IGSF10: variants seen among roughly 807,000 people sequenced by gnomAD.
The protein encoded by IGSF10 is calvaria mechanical force protein 608.
A neutral mutation model predicts 128.2 loss-of-function variants in IGSF10; 126 were observed. The observed-to-expected ratio is 0.98, with a 90% confidence interval of 0.85 to 1.14. IGSF10 has a LOEUF of 1.14. IGSF10 is among the 50% of genes most tolerant of loss of function. The probability of loss-of-function intolerance (pLI) is 0.00; values close to 1 mark genes in which losing one functional copy is unlikely to be tolerated. For synonymous variants in IGSF10, 1,185 were observed against 1,146.2 expected (o/e 1.03, Z -0.68); for missense variants, 3,295 against 3,149.8 (o/e 1.05, Z -1.10).
the IGSF10 span, among the ~76,000 whole-genome samples, chr3:151,584,069 A>G: frequency 1.3e-5 from 2 of 152,152 alleles, no homozygotes; most frequent in East Asian, 3.9e-4. Flanking sequence ...TTAGTTGTGG[A>G]TTTGTGTATT....
At chr3:151,582,292 C>CGGGG in the IGSF10 span, among the ~76,000 whole-genome samples, 56 of 39,362 alleles carry the variant, frequency 1.4e-3, no homozygotes, top group East Asian at 7.3e-3. Flanking sequence ...TAAAAATATC[C>CGGGG]GGGGGGGGGG....
the IGSF10 span, among the ~76,000 whole-genome samples, chr3:151,598,699 C>A: frequency 6.6e-6 from 1 of 152,172 alleles, no homozygotes; most frequent in African/African-American, 2.4e-5. Flanking sequence ...AGTATAGACA[C>A]AACCATCTAT....
At chr3:151,561,985 A>T in the IGSF10 span, among the ~76,000 whole-genome samples, 1 of 152,106 alleles carries the variant, frequency 6.6e-6, no homozygotes, top group Non-Finnish European at 1.5e-5. Context: ...CTTTTATCAG[A>T]GGCGTTTGAA....
At chr3:151,529,147 C>T in the IGSF10 span, among the ~76,000 whole-genome samples, 1 of 152,162 alleles carries the variant, frequency 6.6e-6, no homozygotes, top group Non-Finnish European at 1.5e-5. Flanking sequence ...CAGACTGCCT[C>T]TCTAGATTCC....
the IGSF10 span, among the ~76,000 whole-genome samples, chr3:151,523,040 A>C: frequency 6.6e-6 from 1 of 152,152 alleles, no homozygotes; most frequent in African/African-American, 2.4e-5. Context: ...AATTGAGAGC[A>C]AATCAGAAAG....
At chr3:151,472,576 G>A in the IGSF10 span, among the ~76,000 whole-genome samples, 1 of 152,054 alleles carries the variant, frequency 6.6e-6, no homozygotes, top group Non-Finnish European at 1.5e-5. Context: ...GGTTGCCTTG[G>A]CCAAAGGTAC....
At chr3:151,504,048 G>A in the IGSF10 span, among the ~76,000 whole-genome samples, 1 of 152,096 alleles carries the variant, frequency 6.6e-6, no homozygotes, top group Non-Finnish European at 1.5e-5. Context: ...GCCTCTGGCT[G>A]CATGACACCA....
At chr3:151,460,821 ACCCTCAGCCCT>A (rs1560184399) in intron 1 of IGSF10, 114 bp downstream of exon 1, 1 of 298,692 alleles carries the variant, frequency 3.3e-6, no homozygotes, top group East Asian at 2.1e-4. Context: ...TCCCTCCCCC[ACCCTCAGCCCT>A]CCCCGCCCCA....
downstream of IGSF10, chr3:151,435,062 C>CTTTTTTTTT (rs66791814): frequency 2.9e-3 from 343 of 118,826 alleles, no homozygotes; most frequent in Middle Eastern, 5.0e-3. Flanking sequence ...TGAGAGGTTT[C>CTTTTTTTTT]TTTTTTTTTT....
At chr3:151,552,386 A>AG in the IGSF10 span, among the ~76,000 whole-genome samples, 1 of 152,234 alleles carries the variant, frequency 6.6e-6, no homozygotes, top group Non-Finnish European at 1.5e-5. Context: ...TGTTGGGGCA[A>AG]GGAAGGCAAC....
intron 4 of IGSF10, among the ~76,000 whole-genome samples, chr3:151,454,111 G>A (rs1005768943): frequency 2.6e-5 from 4 of 150,956 alleles, no homozygotes; most frequent in Admixed American, 6.6e-5. Flanking sequence ...TCCGCCTCCT[G>A]GTTTGAAGCG....
chr3:151,581,633 G>A, the IGSF10 span, among the ~76,000 whole-genome samples: 1 of 152,180 alleles, frequency 6.6e-6, no homozygotes, highest in Non-Finnish European at 1.5e-5. Context: ...ATTCTTTCCT[G>A]TACTTGTTGA....
the IGSF10 span, among the ~76,000 whole-genome samples, chr3:151,508,066 T>C: frequency 6.6e-6 from 1 of 152,106 alleles, no homozygotes; most frequent in South Asian, 2.1e-4. Context: ...CACTAGGAAT[T>C]TGGCTACTAA....
the IGSF10 span, among the ~76,000 whole-genome samples, chr3:151,554,192 T>A: frequency 1.3e-5 from 2 of 151,888 alleles, no homozygotes; most frequent in East Asian, 3.9e-4. Flanking sequence ...TTCTTAGACA[T>A]GAACTTCTTC....
the IGSF10 span, among the ~76,000 whole-genome samples, chr3:151,503,547 A>C: frequency 6.6e-6 from 1 of 152,076 alleles, no homozygotes; most frequent in African/African-American, 2.4e-5. Flanking sequence ...ATTAGAAAAA[A>C]TTGTGTAGAA....
At chr3:151,565,459 C>G in the IGSF10 span, among the ~76,000 whole-genome samples, 2 of 152,166 alleles carry the variant, frequency 1.3e-5, no homozygotes, top group South Asian at 4.2e-4. Flanking sequence ...CTGGGAGCTC[C>G]TGGCCAGAGC....
the IGSF10 span, among the ~76,000 whole-genome samples, chr3:151,558,018 A>T: frequency 3.0e-3 from 46 of 15,164 alleles, 1 homozygote; most frequent in South Asian, 5.1e-3. Context: ...ATATATATAT[A>T]ATATATATAT....
chr3:151,564,421 C>A, the IGSF10 span, among the ~76,000 whole-genome samples: 2 of 152,036 alleles, frequency 1.3e-5, no homozygotes, highest in Non-Finnish European at 2.9e-5. Context: ...TTCCTTCCTT[C>A]CTTCCTTCCT....
chr3:151,460,836 C>T (rs1722017421), intron 1 of IGSF10, 110 bp downstream of exon 1: 3 of 798,946 alleles, frequency 3.8e-6, no homozygotes, highest in Non-Finnish European at 1.5e-6. Context: ...CAGCCCTCCC[C>T]GCCCCAGCGC....
Sources: gnomAD v4.1 joint callset for allele counts (sites outside exome capture counted in the v4.1 genomes callset) on GRCh38, gnomAD v4.1.1 for gene constraint, MANE v1.5 for transcripts, NCBI Gene and HGNC (gene_info 2026-07-23, HGNC 2026-07-21) for gene names.